The following GRM8 variants were observed in gnomAD, a reference collection of about 807,000 sequenced individuals.
GRM8 encodes the protein metabotropic glutamate receptor 8.
GRM8 carries 47 observed loss-of-function variants against 87.2 expected under a neutral mutation model. The observed-to-expected ratio is 0.54, with a 90% CI of 0.43 to 0.69. GRM8 has a LOEUF of 0.69. Ranked by LOEUF, GRM8 falls within the 30% of genes least tolerant of loss-of-function variation. The probability of loss-of-function intolerance (pLI) is 0.00; values close to 1 mark genes in which losing one functional copy is unlikely to be tolerated. For missense variants in GRM8, 1,019 were observed against 1,139.2 expected (o/e 0.89, Z 1.52); for synonymous variants, 396 against 404.5 (o/e 0.98, Z 0.25).
At chr7:126,925,786 TTAGC>T (rs1159176602) in intron 3 of GRM8, among the ~76,000 whole-genome samples, 1 of 152,232 alleles carries the variant, frequency 6.6e-6, no homozygotes, top group African/African-American at 2.4e-5. Context: ...AATCATTTTC[TTAGC>T]TACCTAATAT....
In GRM8 at chr7:127,106,548, C is replaced by T; in HGVS notation, c.675G>A (p.Gly225=). 1.2e-6 allele frequency: 2 copies of T among 1,614,086 alleles called. No individual in the cohort carries two copies. The highest frequency in any genetic ancestry group is 1.7e-6 in the Non-Finnish European group (2 of 1,179,996). Residue 225 remains glycine, a synonymous_variant, in exon 3 of 11, where the codon GGG becomes GGA. Transcript: ENST00000339582. ...CCTCCACACCGCTCTCACCATAGTTCCCCTCAGAAGCCAGTGTCGAAACAT... is the reference window on the plus strand; with the variant it reads ...CCTCCACACCGCTCTCACCATAGTTTCCCTCAGAAGCCAGTGTCGAAACAT... The part of the protein sequence containing the change: ...WNYVSTLASE[G]NYGESGVEAF...
At chr7:126,804,379 C>G (rs1792434088) in intron 6 of GRM8, among the ~76,000 whole-genome samples, 1 of 152,234 alleles carries the variant, frequency 6.6e-6, no homozygotes, top group African/African-American at 2.4e-5. Context: ...CCCTCCAACT[C>G]TATCCCGCTT....
At chr7:126,607,953 C>T (rs1449485430) in intron 8 of GRM8, among the ~76,000 whole-genome samples, 2 of 149,752 alleles carry the variant, frequency 1.3e-5, no homozygotes, top group East Asian at 2.0e-4. Context: ...TGTGAAAAGT[C>T]CTACTTTTCT....
intron 2 of GRM8, among the ~76,000 whole-genome samples, chr7:127,134,147 G>A (rs1351700007): frequency 6.6e-6 from 1 of 152,120 alleles, no homozygotes; most frequent in East Asian, 1.9e-4. Flanking sequence ...GTACTGACTA[G>A]GCATTAGCTG....
intron 2 of GRM8, among the ~76,000 whole-genome samples, chr7:127,180,510 C>A (rs1794374104): frequency 6.6e-6 from 1 of 152,016 alleles, no homozygotes; most frequent in African/African-American, 2.4e-5. Flanking sequence ...AAGCCAGCAT[C>A]ACCCTAATAC....
At chr7:126,971,334 T>C (rs1171915051) in intron 3 of GRM8, among the ~76,000 whole-genome samples, 1 of 152,010 alleles carries the variant, frequency 6.6e-6, no homozygotes, top group Non-Finnish European at 1.5e-5. Flanking sequence ...AACCAAAGAA[T>C]AGGAGGGAAA....
intron 8 of GRM8, among the ~76,000 whole-genome samples, chr7:126,604,627 C>T (rs1240046479): frequency 7.4e-6 from 1 of 134,992 alleles, no homozygotes; most frequent in African/African-American, 2.5e-5. Context: ...GTCTAAGTCA[C>T]ATGCCCAAGG....
chr7:127,068,822 C>T (rs894367275), intron 3 of GRM8, among the ~76,000 whole-genome samples: 4 of 152,108 alleles, frequency 2.6e-5, no homozygotes, highest in Admixed American at 2.6e-4. Context: ...AGACCTTATC[C>T]TCCTGGCCTG....
chr7:126,538,282 G>GAGT (rs1272986442), intron 8 of GRM8, among the ~76,000 whole-genome samples: 2 of 152,088 alleles, frequency 1.3e-5, no homozygotes, highest in Admixed American at 1.3e-4. Context: ...AGTCAACTAG[G>GAGT]AGTACTGTTT....
chr7:126,657,030 T>C (rs1356415467), intron 7 of GRM8, among the ~76,000 whole-genome samples: 1 of 152,202 alleles, frequency 6.6e-6, no homozygotes, highest in Non-Finnish European at 1.5e-5. Flanking sequence ...AATTTATATT[T>C]ACTGAGTGCT....
chr7:126,653,686 A>G (rs1281356090), intron 7 of GRM8, among the ~76,000 whole-genome samples: 1 of 152,216 alleles, frequency 6.6e-6, no homozygotes. Context: ...AGCTCAAATA[A>G]AAATAATAGT....
chr7:127,107,271 T>C (rs1438300161), intron 2 of GRM8, among the ~76,000 whole-genome samples: 1 of 152,180 alleles, frequency 6.6e-6, no homozygotes, highest in African/African-American at 2.4e-5. Flanking sequence ...ATAATCAGAG[T>C]GCCACAAAAA....
At chr7:126,680,884 T>C (rs1442059179) in intron 7 of GRM8, among the ~76,000 whole-genome samples, 1 of 152,200 alleles carries the variant, frequency 6.6e-6, no homozygotes, top group Non-Finnish European at 1.5e-5. Flanking sequence ...ACTCTTTACG[T>C]GATTAATTTT....
chr7:127,005,271 C>A (rs1201840830), intron 3 of GRM8, among the ~76,000 whole-genome samples: 1 of 151,038 alleles, frequency 6.6e-6, no homozygotes, highest in African/African-American at 2.4e-5. Context: ...ACTTGATGTG[C>A]CTGTTGTTCC....
intron 7 of GRM8, among the ~76,000 whole-genome samples, chr7:126,739,690 C>T (rs893615682): frequency 6.6e-6 from 1 of 151,556 alleles, no homozygotes; most frequent in Non-Finnish European, 1.5e-5. Flanking sequence ...TCAGTTATTA[C>T]TAATGCTTGT....
chr7:126,915,561 C>A (rs1803801230), intron 3 of GRM8, among the ~76,000 whole-genome samples: 1 of 152,198 alleles, frequency 6.6e-6, no homozygotes, highest in Non-Finnish European at 1.5e-5. Flanking sequence ...AAAACTTATG[C>A]TCACCACAAT....
intron 6 of GRM8, among the ~76,000 whole-genome samples, chr7:126,808,529 A>T (rs1792987685): frequency 6.6e-6 from 1 of 152,140 alleles, no homozygotes; most frequent in Non-Finnish European, 1.5e-5. Context: ...TACAAGAGCT[A>T]CTCTGTCTTC....
intron 3 of GRM8, among the ~76,000 whole-genome samples, chr7:127,051,728 A>C (rs943566213): frequency 1.4e-5 from 2 of 146,950 alleles, no homozygotes; most frequent in African/African-American, 5.0e-5. Context: ...TCTCAAAAAC[A>C]TAATGTTGAG....
chr7:126,782,702 A>T (rs7801979), intron 6 of GRM8, among the ~76,000 whole-genome samples: 2,899 of 152,268 alleles, frequency 0.019, 94 homozygotes, highest in African/African-American at 0.066. Flanking sequence ...ATAAAGGCCC[A>T]TAAGTGCCTG....
Sources: allele counts gnomAD v4.1 joint callset (sites outside exome capture counted in the v4.1 genomes callset), GRCh38; gene constraint gnomAD v4.1.1; transcripts MANE v1.5; gene names NCBI Gene and HGNC (gene_info 2026-07-23, HGNC 2026-07-21).